The following ARHGAP32 variants were observed in gnomAD, a reference collection of about 807,000 sequenced individuals.
ARHGAP32 encodes rho GTPase-activating protein 32.
ARHGAP32 carries 51 observed loss-of-function variants against 186.5 expected under a neutral mutation model. The observed-to-expected ratio is 0.27, with a 90% CI of 0.22 to 0.35. The LOEUF is 0.35. ARHGAP32 is among the 10% of genes least tolerant of loss of function. The pLI is 1.00. For synonymous variants in ARHGAP32, 950 were observed against 964.3 expected (o/e 0.99, Z 0.27); for missense variants, 2,186 against 2,623.5 (o/e 0.83, Z 3.64).
chr11:129,154,288 T>C (rs542529117), intron 2 of ARHGAP32, among the ~76,000 whole-genome samples: 1 of 152,290 alleles, frequency 6.6e-6, no homozygotes, highest in Non-Finnish European at 1.5e-5. Context: ...GATGGGAATG[T>C]AAACTAGTAC....
intron 1 of ARHGAP32, among the ~76,000 whole-genome samples, chr11:129,217,510 G>T (rs1944662063): frequency 6.6e-6 from 1 of 152,070 alleles, no homozygotes; most frequent in African/African-American, 2.4e-5. Flanking sequence ...CAGTATAAAA[G>T]ATATCTCTCT....
chr11:128,985,833 T>TGC (rs1565357582), intron 15 of ARHGAP32, 170 bp downstream of exon 15: 4 of 61,314 alleles, frequency 6.5e-5, no homozygotes, highest in East Asian at 4.6e-4. Context: ...TGTGTGTGCG[T>TGC]GTGTGTGTGT....
intron 1 of ARHGAP32, among the ~76,000 whole-genome samples, chr11:129,213,043 A>C (rs1168722547): frequency 5.3e-5 from 8 of 152,116 alleles, no homozygotes; most frequent in Non-Finnish European, 4.4e-5. Flanking sequence ...TATATACTTT[A>C]TTATTCTCCA....
intron 1 of ARHGAP32, among the ~76,000 whole-genome samples, chr11:129,207,710 A>T (rs1460318814): frequency 2.0e-5 from 3 of 152,104 alleles, no homozygotes; most frequent in Middle Eastern, 3.4e-3. Context: ...AGCTTTACTG[A>T]ATGGCTTACC....
chr11:129,163,883 TC>T (rs1453677677), intron 2 of ARHGAP32, among the ~76,000 whole-genome samples: 2 of 152,174 alleles, frequency 1.3e-5, no homozygotes, highest in Non-Finnish European at 2.9e-5. Flanking sequence ...TGACCTCATT[TC>T]TTTCTCATCC....
chr11:129,078,811 C>T (rs900919482), intron 6 of ARHGAP32, among the ~76,000 whole-genome samples: 5 of 151,956 alleles, frequency 3.3e-5, no homozygotes, highest in Non-Finnish European at 5.9e-5. Flanking sequence ...GATTACTAAG[C>T]TTCTTAAGGA....
At chr11:129,011,807 T>C (rs973863190) in intron 11 of ARHGAP32, among the ~76,000 whole-genome samples, 1 of 152,062 alleles carries the variant, frequency 6.6e-6, no homozygotes, top group Non-Finnish European at 1.5e-5. Context: ...TAGGGAGTAA[T>C]CTTCAGGATA....
At chr11:128,977,180 T>G (rs1945570796) in intron 19 of ARHGAP32, among the ~76,000 whole-genome samples, 1 of 152,204 alleles carries the variant, frequency 6.6e-6, no homozygotes, top group Non-Finnish European at 1.5e-5. Context: ...CTTCAGACTT[T>G]GAGCTTCTAG....
intron 2 of ARHGAP32, 22 bp downstream of exon 2, chr11:129,164,297 C>A: frequency 2.2e-6 from 3 of 1,362,608 alleles, no homozygotes; most frequent in South Asian, 1.3e-5. Context: ...TATATATGAA[C>A]AATTGTATAA....
chr11:129,233,013 T>C (rs1944878487), intron 1 of ARHGAP32, among the ~76,000 whole-genome samples: 1 of 152,212 alleles, frequency 6.6e-6, no homozygotes, highest in African/African-American at 2.4e-5. Flanking sequence ...GTCAAAACTT[T>C]TCACACTGTA....
intron 11 of ARHGAP32, among the ~76,000 whole-genome samples, chr11:129,000,694 C>T (rs1467605235): frequency 1.3e-5 from 2 of 152,064 alleles, no homozygotes; most frequent in East Asian, 3.8e-4. Context: ...GCCTGTTGTG[C>T]TATCAAATGC....
At chr11:129,141,658 G>C (rs1389228585) in intron 2 of ARHGAP32, among the ~76,000 whole-genome samples, 4 of 149,464 alleles carry the variant, frequency 2.7e-5, no homozygotes, top group Non-Finnish European at 5.9e-5. Context: ...GGTTAAGATG[G>C]TAAATACTAT....
rs146123762 is a variant in ARHGAP32 at position 129,144,886 on chromosome 11, C to T, written c.225+19433G>A. 4.1e-3 allele frequency among the ~76,000 whole-genome samples: 618 copies of T among 152,078 alleles called. 3 individuals carry two copies. Among genetic ancestry groups the T allele is most frequent in the African/African-American group, 0.014 (574 of 41,504 alleles). On this transcript the variant is annotated intron_variant, in intron 2 of 22. Transcript: ENST00000682385. ...ACCACAGGGAAAAATTATTCGGAGG[C>T]GATATTTAAAATAATTTGGAAAAAA...
At chr11:129,106,097 C>T (rs757441173) in intron 5 of ARHGAP32, among the ~76,000 whole-genome samples, 2 of 152,020 alleles carry the variant, frequency 1.3e-5, no homozygotes, top group African/African-American at 2.4e-5. Context: ...CAGCCATTGT[C>T]GAAAGCAGTT....
Position 129,267,703 on chromosome 11 carries a change from G to C in ARHGAP32, c.-5+11443C>G, listed in dbSNP as rs187648381. Reference sequence around the variant, plus strand: ...TATGAACCTCGTCTTAGTCCGTTTAGTACTGCCATAAAGGAACACCTGAAA... The same window carrying C: ...TATGAACCTCGTCTTAGTCCGTTTACTACTGCCATAAAGGAACACCTGAAA... On this transcript the variant is annotated intron_variant, in intron 1 of 6. Transcript: ENST00000525234. Among the ~76,000 whole-genome samples, 185 of 152,330 alleles carry C rather than the reference G, an allele frequency of 1.2e-3. 2 individuals carry two copies. The highest frequency in any genetic ancestry group is 3.4e-3 in the Middle Eastern group (1 of 294).
chr11:129,209,353 GTC>G (rs1468753052), intron 1 of ARHGAP32, among the ~76,000 whole-genome samples: 2 of 151,752 alleles, frequency 1.3e-5, no homozygotes, highest in South Asian at 4.2e-4. Flanking sequence ...ATGGCACGGA[GTC>G]TCTGGTCAGC....
intron 1 of ARHGAP32, among the ~76,000 whole-genome samples, chr11:129,276,458 A>C (rs1462285292): frequency 1.3e-5 from 2 of 151,784 alleles, no homozygotes; most frequent in East Asian, 3.9e-4. Context: ...GTGCCACTAC[A>C]CTCAGCTAAT....
At chr11:129,039,873 C>T (rs1249370965) in intron 11 of ARHGAP32, among the ~76,000 whole-genome samples, 8 of 152,176 alleles carry the variant, frequency 5.3e-5, no homozygotes, top group African/African-American at 1.7e-4. Flanking sequence ...TCAAAAAGAA[C>T]TGAGAATCCT....
At chr11:129,010,027 G>A (rs1240491787) in intron 11 of ARHGAP32, among the ~76,000 whole-genome samples, 1 of 152,148 alleles carries the variant, frequency 6.6e-6, no homozygotes, top group Non-Finnish European at 1.5e-5. Flanking sequence ...GGCGTGAGAT[G>A]GTATCTCATT....
Sources: allele counts gnomAD v4.1 joint callset (sites outside exome capture counted in the v4.1 genomes callset), GRCh38; gene constraint gnomAD v4.1.1; transcripts MANE v1.5; gene names NCBI Gene and HGNC (gene_info 2026-07-23, HGNC 2026-07-21).